The following MAP2 variants were observed in gnomAD, a reference collection of about 807,000 sequenced individuals.
MAP2 encodes microtubule associated protein 2, also known as microtubule-associated protein 2.
MAP2 carries 14 observed loss-of-function variants against 137.6 expected under a neutral mutation model. That is an observed-to-expected ratio of 0.10 (90% CI 0.07 to 0.16). The LOEUF (loss-of-function observed/expected upper bound fraction) is 0.16, where lower values mean the gene tolerates loss of function less well. Among genes scored for constraint, MAP2 ranks in the 10% least tolerant of loss-of-function variants. MAP2 has a pLI of 1.00. For synonymous variants in MAP2, 786 were observed against 782.3 expected (o/e 1.00, Z -0.08); for missense variants, 2,088 against 2,191.5 (o/e 0.95, Z 0.94).
intron 1 of MAP2, among the ~76,000 whole-genome samples, chr2:209,498,159 T>C (rs2059970102): frequency 6.6e-6 from 1 of 152,224 alleles, no homozygotes; most frequent in African/African-American, 2.4e-5. Flanking sequence ...AAGGAAGAAA[T>C]TGGCCAAAGG....
chr2:209,474,996 T>C (rs566965068), intron 1 of MAP2, among the ~76,000 whole-genome samples: 22 of 152,170 alleles, frequency 1.4e-4, no homozygotes, highest in South Asian at 2.1e-4. Context: ...TTATTCTTGA[T>C]TGGGTGAAAG....
chr2:209,704,387 A>T, intron 11 of MAP2: 1 of 1,435,166 alleles, frequency 7.0e-7, no homozygotes, highest in Admixed American at 2.3e-5. Context: ...CTTCTTTTTT[A>T]TCTTCCTTTT....
intron 3 of MAP2, among the ~76,000 whole-genome samples, chr2:209,603,198 T>G (rs962484980): frequency 2.0e-5 from 3 of 152,116 alleles, no homozygotes; most frequent in African/African-American, 7.2e-5. Flanking sequence ...CCCACAAATT[T>G]AGGGGGAAAA....
chr2:209,475,085 A>T (rs1706851838), intron 1 of MAP2, among the ~76,000 whole-genome samples: 2 of 152,064 alleles, frequency 1.3e-5, no homozygotes, highest in South Asian at 4.1e-4. Flanking sequence ...TTAATCCTGC[A>T]GTCTGGAAAA....
In MAP2 at chr2:209,516,078, A is replaced by T. The variant is rs1428357515; in HGVS notation, c.-172+8437A>T. Reference sequence around the variant, plus strand: ...TCAAAGTGCTGAGATTACAGGCGTGAGCCACTGCACCTGGCCCGGATAGAA... The same window carrying T: ...TCAAAGTGCTGAGATTACAGGCGTGTGCCACTGCACCTGGCCCGGATAGAA... On this transcript the variant is annotated intron_variant, in intron 2 of 15. Transcript: ENST00000682079. Among the ~76,000 whole-genome samples, 4 of 152,116 alleles carry T rather than the reference A, an allele frequency of 2.6e-5. No homozygotes were observed. The East Asian group carries it at 7.7e-4, about 29-fold the overall frequency.
chr2:209,617,817 A>G (rs2089992346), intron 3 of MAP2, among the ~76,000 whole-genome samples: 1 of 152,176 alleles, frequency 6.6e-6, no homozygotes, highest in Non-Finnish European at 1.5e-5. Context: ...CAAAGGGTAT[A>G]AATTAATAAC....
rs908560379 is a variant in MAP2, at chr2:209,600,775, C to G, written c.-107+20675C>G. Among the ~76,000 whole-genome samples, 10 of 152,148 alleles carry G rather than the reference C, an allele frequency of 6.6e-5. 1 individual carries two copies. The highest frequency in any genetic ancestry group is 2.6e-4 in the Admixed American group (4 of 15,264). Reference sequence around the variant, plus strand: ...AGCGGCCTTGAATTTGCAGGCTTCCCCAGGTGTTAGCGCTGCTAGGCTACC... The same window carrying G: ...AGCGGCCTTGAATTTGCAGGCTTCCGCAGGTGTTAGCGCTGCTAGGCTACC... On this transcript the variant is annotated intron_variant, in intron 3 of 15. Transcript: ENST00000682079.
chr2:209,725,634 C>A, intron 13 of MAP2, 75 bp from the exon 14 acceptor site: 1 of 889,270 alleles, frequency 1.1e-6, no homozygotes, highest in Non-Finnish European at 1.7e-6. Flanking sequence ...GGGTGTGTTT[C>A]TAGATCTTAT....
At chr2:209,468,171 G>A (rs1481959289) in intron 1 of MAP2, among the ~76,000 whole-genome samples, 1 of 151,838 alleles carries the variant, frequency 6.6e-6, no homozygotes, top group African/African-American at 2.4e-5. Context: ...CATCTCGGTA[G>A]TTGACTAGTC....
intron 2 of MAP2, among the ~76,000 whole-genome samples, chr2:209,518,095 A>G (rs534828315): frequency 6.6e-6 from 1 of 152,192 alleles, no homozygotes; most frequent in Admixed American, 6.5e-5. Flanking sequence ...GTAAGCCTAC[A>G]TGAGAAGGTG....
At chr2:209,472,367 G>A (rs1477558148) in intron 1 of MAP2, among the ~76,000 whole-genome samples, 1 of 152,240 alleles carries the variant, frequency 6.6e-6, no homozygotes, top group Non-Finnish European at 1.5e-5. Flanking sequence ...TCAACACCAA[G>A]CTTAAAACTA....
chr2:209,711,687 G>A (rs1445195763), intron 13 of MAP2, among the ~76,000 whole-genome samples: 1 of 152,036 alleles, frequency 6.6e-6, no homozygotes, highest in African/African-American at 2.4e-5. Flanking sequence ...TGAGCTTTTT[G>A]GAAATATTCA....
At chr2:209,667,129 A>G (rs1390402897) in intron 5 of MAP2, among the ~76,000 whole-genome samples, 1 of 151,144 alleles carries the variant, frequency 6.6e-6, no homozygotes, top group African/African-American at 2.5e-5. Flanking sequence ...ATAAAATTTC[A>G]GTAAGACACT....
intron 5 of MAP2, among the ~76,000 whole-genome samples, chr2:209,672,959 A>G (rs1023571101): frequency 5.9e-5 from 9 of 151,788 alleles, no homozygotes; most frequent in African/African-American, 2.2e-4. Context: ...CCACCAATAT[A>G]TTTCCTTAAT....
intron 1 of MAP2, among the ~76,000 whole-genome samples, chr2:209,433,333 G>A (rs1694828791): frequency 6.6e-6 from 1 of 152,058 alleles, no homozygotes; most frequent in Non-Finnish European, 1.5e-5. Flanking sequence ...AGTACCCGGA[G>A]GAAAAGCTTT....
chr2:209,540,030 G>C (rs886465023), intron 2 of MAP2, among the ~76,000 whole-genome samples: 1 of 149,614 alleles, frequency 6.7e-6, no homozygotes, highest in Non-Finnish European at 1.5e-5. Context: ...GAGCCTGGGA[G>C]GTCGAGGCTG....
intron 2 of MAP2, among the ~76,000 whole-genome samples, chr2:209,548,160 C>A (rs967569552): frequency 1.2e-4 from 19 of 152,138 alleles, no homozygotes; most frequent in Non-Finnish European, 7.4e-5. Flanking sequence ...ACTTCAGGAT[C>A]CAAGCATCAG....
intron 3 of MAP2, among the ~76,000 whole-genome samples, chr2:209,588,117 T>A (rs1295435829): frequency 2.6e-5 from 4 of 152,150 alleles, no homozygotes; most frequent in Non-Finnish European, 5.9e-5. Context: ...CATGGGTGTG[T>A]GTATGTGTCA....
intron 1 of MAP2, among the ~76,000 whole-genome samples, chr2:209,481,147 G>A (rs1383255892): frequency 5.3e-5 from 8 of 152,202 alleles, no homozygotes; most frequent in Non-Finnish European, 8.8e-5. Flanking sequence ...ACAGAGTGTA[G>A]CTTACTGAAT....
Sources: allele counts gnomAD v4.1 joint callset (sites outside exome capture counted in the v4.1 genomes callset), GRCh38; gene constraint gnomAD v4.1.1; transcripts MANE v1.5; gene names NCBI Gene and HGNC (gene_info 2026-07-23, HGNC 2026-07-21).